KCNMA1: variants seen among roughly 807,000 people sequenced by gnomAD.
The protein encoded by KCNMA1 is Calcium-activated potassium channel subunit alpha-1.
KCNMA1 carries 29 observed loss-of-function variants against 140.0 expected under a neutral mutation model. The ratio of observed to expected loss-of-function variants is 0.21; its 90% CI spans 0.15 to 0.28. KCNMA1 has a LOEUF of 0.28. Among genes scored for constraint, KCNMA1 ranks in the 10% least tolerant of loss-of-function variants. The probability of loss-of-function intolerance (pLI) is 1.00; values close to 1 mark genes in which losing one functional copy is unlikely to be tolerated. For synonymous variants in KCNMA1, 612 were observed against 611.9 expected (o/e 1.00, Z 0.00); for missense variants, 880 against 1,602.2 (o/e 0.55, Z 7.70).
chr10:77,311,594 AT>A (rs1316873542), intron 2 of KCNMA1, among the ~76,000 whole-genome samples: 5 of 152,196 alleles, frequency 3.3e-5, no homozygotes, highest in African/African-American at 1.2e-4. Context: ...ATTTAAAAAA[AT>A]AAATAAATAA....
Position 77,025,999 on chromosome 10 carries a change from ATAT to A in KCNMA1, c.1928+1821_1928+1823del, listed in dbSNP as rs1290815153. ...TTGCCCTTTTCTGAAGAAAAAAAAAATATATATATATATATATATACTAAAAAC... is the reference window on the plus strand; with the variant it reads ...TTGCCCTTTTCTGAAGAAAAAAAAAAATATATATATATATATACTAAAAAC... On this transcript the variant is annotated intron_variant, in intron 16 of 27. Coordinates refer to ENST00000286628, the MANE Select transcript of KCNMA1 (RefSeq NM_001161352.2). Among the ~76,000 whole-genome samples, 226 of 99,702 alleles carry A rather than the reference ATAT, an allele frequency of 2.3e-3. 1 individual carries two copies. Among genetic ancestry groups the A allele is most frequent in the South Asian group, 6.5e-3 (19 of 2,906 alleles). 65.4% of individuals were successfully genotyped at this position (99,702 alleles called of 152,430 possible). A position where few individuals can be genotyped will look rare whatever the true frequency, so the allele number is the denominator to read the frequency against.
chr10:77,069,073 G>T lies in KCNMA1; in HGVS notation c.1749+4024C>A, dbSNP rs557567643. Among the ~76,000 whole-genome samples the T allele has an allele frequency of 2.0e-5, 3 of 152,280 alleles. No homozygotes were observed. The South Asian group carries it at 6.2e-4, about 32-fold the overall frequency. On this transcript the variant is annotated intron_variant, in intron 14 of 27. Transcript: ENST00000286628. The stretch of plus-strand genomic sequence containing the variant: ...TCAATGGATCTTAAATTACATCCAA[G>T]TGAGGAAGCCAAGTAGAGAGTAAGT...
At chr10:77,515,843 C>T (rs2050198481) in intron 1 of KCNMA1, among the ~76,000 whole-genome samples, 1 of 152,170 alleles carries the variant, frequency 6.6e-6, no homozygotes, top group South Asian at 2.1e-4. Flanking sequence ...GGGAGGCTTC[C>T]CGGCACCTGG....
At chr10:77,393,873 C>A (rs563364307) in intron 2 of KCNMA1, among the ~76,000 whole-genome samples, 3 of 152,208 alleles carry the variant, frequency 2.0e-5, no homozygotes, top group Admixed American at 2.0e-4. Context: ...TGAAGCAAAG[C>A]GGACAGAGAC....
At chr10:77,186,812 T>TGA (rs1221410792) in intron 3 of KCNMA1, among the ~76,000 whole-genome samples, 23 of 131,990 alleles carry the variant, frequency 1.7e-4, no homozygotes, top group Non-Finnish European at 8.4e-5. Context: ...TGTGTGTGTG[T>TGA]GTGTGTCAGA....
At chr10:77,049,919 T>G (rs2095292825) in intron 14 of KCNMA1, among the ~76,000 whole-genome samples, 1 of 152,232 alleles carries the variant, frequency 6.6e-6, no homozygotes, top group African/African-American at 2.4e-5. Flanking sequence ...TCTTAGCAAC[T>G]GACTTACGGT....
At chr10:77,264,051 C>G (rs183789204) in intron 2 of KCNMA1, among the ~76,000 whole-genome samples, 4 of 152,272 alleles carry the variant, frequency 2.6e-5, no homozygotes, top group African/African-American at 9.6e-5. Context: ...CACAAGATAG[C>G]ATCCCTCATG....
intron 2 of KCNMA1, among the ~76,000 whole-genome samples, chr10:77,372,063 C>T (rs988682533): frequency 2.6e-5 from 4 of 152,136 alleles, no homozygotes; most frequent in African/African-American, 9.7e-5. Flanking sequence ...TGTTTGCCTT[C>T]CCCAGAAGGC....
At chr10:77,615,023 C>T (rs551560286) in intron 1 of KCNMA1, among the ~76,000 whole-genome samples, 6 of 152,284 alleles carry the variant, frequency 3.9e-5, no homozygotes, top group Non-Finnish European at 8.8e-5. Flanking sequence ...GTTTTGGGTG[C>T]CTCAGAACAC....
At chr10:77,623,846 A>AAGCTACCTGGTACTCT in intron 1 of KCNMA1, among the ~76,000 whole-genome samples, 1 of 152,278 alleles carries the variant, frequency 6.6e-6, no homozygotes, top group East Asian at 1.9e-4. Context: ...CAACACCCCA[A>AAGCTACCTGGTACTCT]AGCTACCTGG....
intron 18 of KCNMA1, 26 bp downstream of exon 18, chr10:77,011,941 G>A (rs748863669): frequency 3.8e-6 from 6 of 1,593,322 alleles, no homozygotes; most frequent in East Asian, 4.5e-5. Flanking sequence ...AGAAAGGGAG[G>A]GGACAGGGAG....
At chr10:77,300,238 G>C (rs958206646) in intron 2 of KCNMA1, among the ~76,000 whole-genome samples, 5 of 152,210 alleles carry the variant, frequency 3.3e-5, no homozygotes, top group Admixed American at 3.3e-4. Flanking sequence ...TAAGAGACCT[G>C]AGAAAGCAAC....
chr10:77,037,316 T>A (rs1362722765), intron 15 of KCNMA1, among the ~76,000 whole-genome samples: 2 of 152,180 alleles, frequency 1.3e-5, no homozygotes, highest in African/African-American at 4.8e-5. Flanking sequence ...CTTTGCTACA[T>A]CAAACTGGAG....
chr10:77,429,647 A>T (rs1366345770), intron 1 of KCNMA1, among the ~76,000 whole-genome samples: 1 of 152,188 alleles, frequency 6.6e-6, no homozygotes, highest in African/African-American at 2.4e-5. Context: ...GGCCCTAAAA[A>T]GTTCTGCAAT....
At chr10:77,103,861 G>A (rs1265532353) in intron 9 of KCNMA1, among the ~76,000 whole-genome samples, 1 of 152,164 alleles carries the variant, frequency 6.6e-6, no homozygotes, top group Non-Finnish European at 1.5e-5. Flanking sequence ...GCCCCAAAGT[G>A]AAGCTCATGC....
intron 20 of KCNMA1, among the ~76,000 whole-genome samples, chr10:76,961,611 C>T (rs2153065529): frequency 6.6e-6 from 1 of 152,262 alleles, no homozygotes; most frequent in East Asian, 1.9e-4. Flanking sequence ...AATCTTTTGT[C>T]AAAGGAAGAG....
chr10:77,625,378 C>CA (rs367874038), intron 1 of KCNMA1, among the ~76,000 whole-genome samples: 8 of 146,042 alleles, frequency 5.5e-5, no homozygotes, highest in Admixed American at 1.4e-4. Context: ...GAGACTCTGC[C>CA]AAAAAAAAAA....
chr10:77,573,213 A>T (rs2072374777), intron 1 of KCNMA1, among the ~76,000 whole-genome samples: 2 of 152,228 alleles, frequency 1.3e-5, no homozygotes, highest in South Asian at 4.1e-4. Flanking sequence ...GAAGGGGCAG[A>T]AAAGAACAGT....
intron 1 of KCNMA1, among the ~76,000 whole-genome samples, chr10:77,597,697 T>A (rs949497038): frequency 6.6e-6 from 1 of 152,166 alleles, no homozygotes; most frequent in Non-Finnish European, 1.5e-5. Context: ...TGTCACATGC[T>A]CTGCTCTGTC....
Sources: gnomAD v4.1 joint callset for allele counts (sites outside exome capture counted in the v4.1 genomes callset) on GRCh38, gnomAD v4.1.1 for gene constraint, MANE v1.5 for transcripts, NCBI Gene and HGNC (gene_info 2026-07-23, HGNC 2026-07-21) for gene names.